The following LRRC9 variants were observed in gnomAD, a reference collection of about 807,000 sequenced individuals.
LRRC9 encodes the protein leucine rich repeat containing 9.
In LRRC9, 122 loss-of-function variants were observed where a neutral mutation model predicts 63.2. The observed-to-expected ratio is 1.93, with a 90% CI of 1.67 to 2.24. LRRC9 has a LOEUF of 2.24. Among genes scored for constraint, LRRC9 ranks in the 30% most tolerant of loss-of-function variants. LRRC9 has a pLI of 0.00. For synonymous variants in LRRC9, 366 were observed against 213.1 expected (o/e 1.72, Z -6.25); for missense variants, 1,071 against 627.7 (o/e 1.71, Z -7.55).
Position 59,923,658 on chromosome 14 carries a change from G to A in LRRC9, c.-34+3775G>A, listed in dbSNP as rs1009449864. 2.6e-5 allele frequency among the ~76,000 whole-genome samples: 4 copies of A among 152,224 alleles called. No homozygotes were observed. Among genetic ancestry groups the A allele is most frequent in the Non-Finnish European group, 5.9e-5 (4 of 68,044 alleles). On this transcript the variant is annotated intron_variant, in intron 1 of 31. Transcript: ENST00000445360. The surrounding 1 kb of genome is among the most constrained non-coding windows in gnomAD (Gnocchi z 4.2). ...GTAATTAAAACAGATACAGTCAGGC[G>A]AGGTGGCTCACGCCTGTAGGCTCAC... is the stretch of plus-strand genomic sequence containing the variant.
At chr14:60,063,172 G>A in intron 31 of LRRC9, 151 bp from the exon 33 acceptor site, 1 of 574,354 alleles carries the variant, frequency 1.7e-6, no homozygotes, top group Non-Finnish European at 3.1e-6. Flanking sequence ...TCGGATTACA[G>A]GTGTGAGCCA....
intron 15 of LRRC9, among the ~76,000 whole-genome samples, chr14:59,981,248 AGT>A (rs1886897887): frequency 6.6e-6 from 1 of 151,916 alleles, no homozygotes; most frequent in African/African-American, 2.4e-5. Context: ...TTAGCTTTGA[AGT>A]GTGTGTCCTT....
rs1055535036 is a variant in LRRC9 at position 60,027,053 on chromosome 14, G to T, written c.3704-831G>T. Among the ~76,000 whole-genome samples the T allele has an allele frequency of 1.3e-5, 2 of 151,944 alleles. No individual in the cohort carries two copies. The highest frequency in any genetic ancestry group is 2.9e-5 in the Non-Finnish European group (2 of 67,962). On this transcript the variant is annotated intron_variant, in intron 27 of 31. Transcript: ENST00000445360. The surrounding 1 kb of genome is among the most constrained non-coding windows in gnomAD (Gnocchi z 4.0). ...CAATTCAGCACATAATAATCAAGGAGAATGAATATTGACTGAAATGTAGTA... is the reference window on the plus strand; with the variant it reads ...CAATTCAGCACATAATAATCAAGGATAATGAATATTGACTGAAATGTAGTA...
At chr14:60,041,648 C>G (rs974842695) in intron 29 of LRRC9, among the ~76,000 whole-genome samples, 1 of 152,110 alleles carries the variant, frequency 6.6e-6, no homozygotes, top group African/African-American at 2.4e-5. Flanking sequence ...TCGTCTAATC[C>G]TTTTTCAAGG....
intron 30 of LRRC9, among the ~76,000 whole-genome samples, chr14:60,056,284 T>C (rs778107748): frequency 5.4e-4 from 83 of 152,314 alleles, no homozygotes; most frequent in Admixed American, 3.2e-3. Flanking sequence ...CTATGAAAAT[T>C]ACCATATTAA....
chr14:59,953,090 G>T (rs1883350842), intron 8 of LRRC9, among the ~76,000 whole-genome samples: 1 of 152,184 alleles, frequency 6.6e-6, no homozygotes, highest in Non-Finnish European at 1.5e-5. Flanking sequence ...CCAAGCCTTT[G>T]CTATTGTAAA....
rs900286888 is a variant in LRRC9, at chr14:59,923,896, G to T, written c.-34+4013G>T. Among the ~76,000 whole-genome samples, 1 of 152,148 alleles carries T rather than the reference G, an allele frequency of 6.6e-6. No individual in the cohort carries two copies. The highest frequency in any genetic ancestry group is 1.5e-5 in the Non-Finnish European group (1 of 68,026). ...GTGGAGCTTGCAGTGAGCTGAGATC[G>T]CGCCACTGCACTGTACTCCAGCCTG... On this transcript the variant is annotated intron_variant, in intron 1 of 31. Transcript: ENST00000445360. This position sits in a 1 kb window ranked among gnomAD's most constrained non-coding sequence, Gnocchi z 4.2.
chr14:59,946,272 TCTTA>T (rs1360357360), intron 8 of LRRC9, among the ~76,000 whole-genome samples: 1 of 150,746 alleles, frequency 6.6e-6, no homozygotes, highest in Non-Finnish European at 1.5e-5. Context: ...AGAAAAATAT[TCTTA>T]AAGTAAAACA....
rs1434287842 is a variant in LRRC9 at position 59,947,940 on chromosome 14, G to A, written c.882+3196G>A. On this transcript the variant is annotated intron_variant, in intron 8 of 31. Transcript: ENST00000445360. ...GTAGTATAGTTTGAAGTCAGGTAGT[G>A]TGATGCCTCCAGCTTTGTTCTTTTG... Among the ~76,000 whole-genome samples the A allele has an allele frequency of 2.6e-5, 4 of 152,036 alleles. No individual in the cohort carries two copies. In the East Asian group the frequency reaches 5.8e-4, roughly 22 times the overall value.
chr14:59,924,068 A>C (rs1397049023), intron 1 of LRRC9, among the ~76,000 whole-genome samples: 2 of 152,232 alleles, frequency 1.3e-5, no homozygotes, highest in African/African-American at 4.8e-5. Context: ...GAATATAACA[A>C]AGAGAATGAT....
chr14:59,958,251 C>G lies in LRRC9; in HGVS notation c.883-1567C>G, dbSNP rs1004825070. On this transcript the variant is annotated intron_variant, in intron 8 of 31. Coordinates refer to ENST00000445360, the Ensembl canonical transcript of LRRC9. The surrounding 1 kb of genome is among the most constrained non-coding windows in gnomAD (Gnocchi z 4.0). ...TGCTGCAGCTGTGCCCACAGCCACCCCTTCCACCAGGTGCTCTGTCCCAGG... is the reference window on the plus strand; with the variant it reads ...TGCTGCAGCTGTGCCCACAGCCACCGCTTCCACCAGGTGCTCTGTCCCAGG... Among the ~76,000 whole-genome samples the G allele has an allele frequency of 8.5e-5, 13 of 152,200 alleles. No homozygotes were observed. Among genetic ancestry groups the G allele is most frequent in the Non-Finnish European group, 1.9e-4 (13 of 68,030 alleles).
At chr14:59,985,970 CT>C (rs370920418) in intron 17 of LRRC9, among the ~76,000 whole-genome samples, 36 of 152,038 alleles carry the variant, frequency 2.4e-4, no homozygotes, top group African/African-American at 8.2e-4. Context: ...ACTCTTCTTT[CT>C]TTCTTTCTCA....
At chr14:60,029,350 G>A (rs1435683471) in intron 28 of LRRC9, among the ~76,000 whole-genome samples, 2 of 152,036 alleles carry the variant, frequency 1.3e-5, no homozygotes, top group African/African-American at 4.8e-5. Flanking sequence ...AAAATGTGAG[G>A]TCTTCAAGTG....
chr14:59,927,544 A>G lies in LRRC9; in HGVS notation c.-33-367A>G, dbSNP rs1889311222. 6.6e-6 allele frequency among the ~76,000 whole-genome samples: 1 copy of G among 152,038 alleles called. No homozygotes were observed. The highest frequency in any genetic ancestry group is 1.5e-5 in the Non-Finnish European group (1 of 67,914). ...ACAAAGGACAACTAGAGCCTGTTCA[A>G]AGGAGAGAAACATGAGTATATAGTG... On this transcript the variant is annotated intron_variant, in intron 1 of 31. Coordinates refer to ENST00000445360, the Ensembl canonical transcript of LRRC9. The surrounding 1 kb of genome is among the most constrained non-coding windows in gnomAD (Gnocchi z 4.4).
intron 15 of LRRC9, among the ~76,000 whole-genome samples, chr14:59,981,283 C>T (rs1886901027): frequency 6.6e-6 from 1 of 151,946 alleles, no homozygotes; most frequent in Non-Finnish European, 1.5e-5. Flanking sequence ...GCAGCTTATT[C>T]TTTTATCATA....
At chr14:59,971,352 G>A (rs978018429) in intron 12 of LRRC9, among the ~76,000 whole-genome samples, 1 of 152,120 alleles carries the variant, frequency 6.6e-6, no homozygotes, top group Non-Finnish European at 1.5e-5. Context: ...GTAGTTTGAA[G>A]TTGGATAGTT....
chr14:59,957,723 A>C (rs996241863), intron 8 of LRRC9, among the ~76,000 whole-genome samples: 2 of 152,006 alleles, frequency 1.3e-5, no homozygotes, highest in Non-Finnish European at 1.5e-5. Flanking sequence ...TGGTTTTTGG[A>C]ATTTTCAGCG....
intron 12 of LRRC9, among the ~76,000 whole-genome samples, chr14:59,971,864 T>C (rs1167081542): frequency 6.6e-6 from 1 of 152,148 alleles, no homozygotes; most frequent in African/African-American, 2.4e-5. Flanking sequence ...TAGGCAACAC[T>C]GCCCTTGGTC....
chr14:59,989,016 G>T (rs1887779334), intron 17 of LRRC9, among the ~76,000 whole-genome samples: 1 of 152,046 alleles, frequency 6.6e-6, no homozygotes, highest in African/African-American at 2.4e-5. Context: ...TGATGAGAAT[G>T]TATGATTTTT....
Sources: allele counts gnomAD v4.1 joint callset (sites outside exome capture counted in the v4.1 genomes callset), GRCh38; gene constraint gnomAD v4.1.1; non-coding constraint Gnocchi (gnomAD v3.1); transcripts MANE v1.5; gene names NCBI Gene and HGNC (gene_info 2026-07-23, HGNC 2026-07-21).